The following WIPF3 variants were observed in gnomAD, a reference collection of about 807,000 sequenced individuals.
The protein encoded by WIPF3 is WAS/WASL-interacting protein family member 3.
A neutral mutation model predicts 38.9 loss-of-function variants in WIPF3; 33 were observed. The observed-to-expected ratio is 0.85, with a 90% CI of 0.64 to 1.14. WIPF3 has a LOEUF of 1.14. Among genes scored for constraint, WIPF3 ranks in the 50% most tolerant of loss-of-function variants. WIPF3 has a pLI of 0.00. For synonymous variants in WIPF3, 324 were observed against 269.3 expected, an observed-to-expected ratio of 1.20 and a Z score of -1.99; for missense variants, 711 against 652.5, an observed-to-expected ratio of 1.09 and a Z score of -0.98.
At chr7:29,906,660 G>A (rs139567323) in intron 8 of WIPF3, among the ~76,000 whole-genome samples, 2 of 152,042 alleles carry the variant, frequency 1.3e-5, no homozygotes, top group Non-Finnish European at 2.9e-5. Context: ...TTGATGAAAG[G>A]CATGAATATA....
chr7:29,889,260 T>C, intron 6 of WIPF3, 46 bp from the exon 7 acceptor site: 1 of 1,513,712 alleles, frequency 6.6e-7, no homozygotes, highest in Non-Finnish European at 9.2e-7. Flanking sequence ...AAAACTTGGA[T>C]CATGACAGTA....
At chr7:29,880,583 A>T (rs1428584128) in intron 4 of WIPF3, among the ~76,000 whole-genome samples, 1 of 152,202 alleles carries the variant, frequency 6.6e-6, no homozygotes, top group African/African-American at 2.4e-5. Flanking sequence ...TTCTCTTCAT[A>T]GAAGATGGGA....
Position 29,889,358 on chromosome 7 carries a change from G to A in WIPF3, c.1302G>A (p.Pro434=), listed in dbSNP as rs779515341. ...TFHSVEDFPP[P]DEYKPCQKIY... ...ATTCTGTGGAAGACTTTCCCCCTCC[G>A]GATGAATATAAACCATGCCAGAAGA... Residue 434 remains proline, a synonymous_variant, in exon 7 of 9, where the codon CCG becomes CCA. Coordinates refer to ENST00000242140, the MANE Select transcript of WIPF3 (RefSeq NM_001080529.3). 2.1e-5 allele frequency: 34 copies of A among 1,613,760 alleles called. No homozygotes were observed. The highest frequency in any genetic ancestry group is 1.6e-4 in the Middle Eastern group (1 of 6,084).
rs770804209 is a variant in WIPF3, at chr7:29,884,215, T to C, written c.721T>C (p.Ser241Pro). The change falls in exon 5 of 9, where the codon TCG (serine) becomes CCG (proline). Residue 241 changes from serine (S) to proline (P), a missense_variant. Coordinates refer to ENST00000242140, the MANE Select transcript of WIPF3 (RefSeq NM_001080529.3). ...PPTPPPLPPA[S>P]VLSDKAVKPQ... ...AACGCCACCCCCGCTGCCCCCGGCC[T>C]CGGTTCTTAGTGACAAGGCAGTGAA... 1.9e-4 allele frequency: 212 copies of C among 1,108,078 alleles called. No homozygotes were observed. Among genetic ancestry groups the C allele is most frequent in the Non-Finnish European group, 2.2e-4 (196 of 900,582 alleles). The allele number at this position is 1,108,078 out of a possible 1,614,324, so 68.6% of individuals were successfully genotyped here. A position where few individuals can be genotyped will look rare whatever the true frequency, so the allele number is the denominator to read the frequency against.
intron 8 of WIPF3, among the ~76,000 whole-genome samples, chr7:29,906,978 G>A (rs1786409930): frequency 1.3e-5 from 2 of 152,194 alleles, no homozygotes; most frequent in South Asian, 4.1e-4. Context: ...AACAAAAGCT[G>A]AGGGAGTTTG....
chr7:29,866,092 G>C (rs537321068), intron 2 of WIPF3, among the ~76,000 whole-genome samples: 1 of 152,322 alleles, frequency 6.6e-6, no homozygotes, highest in African/African-American at 2.4e-5. Flanking sequence ...CTGCGAGGTG[G>C]AGGTTGCGGT....
intron 7 of WIPF3, among the ~76,000 whole-genome samples, chr7:29,902,290 T>A (rs1786302247): frequency 7.0e-6 from 1 of 143,392 alleles, no homozygotes. Context: ...TTTTTTTTTT[T>A]ACTTTTTGCT....
At chr7:29,829,131 C>T (rs964292560) in intron 1 of WIPF3, among the ~76,000 whole-genome samples, 4 of 152,104 alleles carry the variant, frequency 2.6e-5, no homozygotes, top group Non-Finnish European at 4.4e-5. Context: ...CTTTATTGCA[C>T]CTCCTCCTCA....
At chr7:29,830,249 C>T (rs953674172) in intron 1 of WIPF3, among the ~76,000 whole-genome samples, 5 of 151,358 alleles carry the variant, frequency 3.3e-5, no homozygotes, top group East Asian at 1.9e-4. Flanking sequence ...TAAAACTAGA[C>T]GGAAACCAAG....
intron 2 of WIPF3, among the ~76,000 whole-genome samples, chr7:29,837,957 C>T (rs543632219): frequency 5.3e-5 from 8 of 152,158 alleles, no homozygotes; most frequent in East Asian, 1.9e-4. Flanking sequence ...CTTGCTTTTT[C>T]GCCCAGGCTA....
At chr7:29,824,466 T>G (rs1294948211) in intron 1 of WIPF3, among the ~76,000 whole-genome samples, 1 of 151,932 alleles carries the variant, frequency 6.6e-6, no homozygotes, top group Non-Finnish European at 1.5e-5. Flanking sequence ...TGAACACAGT[T>G]TTGCAGGTTA....
At chr7:29,817,010 C>T (rs1193961797) in intron 1 of WIPF3, among the ~76,000 whole-genome samples, 2 of 152,158 alleles carry the variant, frequency 1.3e-5, no homozygotes, top group Non-Finnish European at 2.9e-5. Context: ...GCACTCTCTC[C>T]AACACATACA....
rs894096407 is a variant in WIPF3 at position 29,863,661 on chromosome 7, A to G, written c.91-12169A>G. ...ATTGAATTTACAGATCAACCTGGGA[A>G]GAACTGACATCTTTCCTATGTTGAG... is the stretch of plus-strand genomic sequence containing the variant. On this transcript the variant is annotated intron_variant, in intron 2 of 8. Coordinates refer to ENST00000242140, the MANE Select transcript of WIPF3 (RefSeq NM_001080529.3). Among the ~76,000 whole-genome samples, 6 of 152,246 alleles carry G rather than the reference A, an allele frequency of 3.9e-5. No individual in the cohort carries two copies. The South Asian group carries it at 1.2e-3, about 32-fold the overall frequency.
intron 7 of WIPF3, among the ~76,000 whole-genome samples, chr7:29,898,178 ACTT>A (rs1178466750): frequency 6.6e-6 from 1 of 151,924 alleles, no homozygotes; most frequent in East Asian, 1.9e-4. Context: ...TTTCTGAAAC[ACTT>A]CTTCATTTAG....
chr7:29,832,707 T>TCC (rs35920510), intron 1 of WIPF3, among the ~76,000 whole-genome samples: 9 of 152,180 alleles, frequency 5.9e-5, no homozygotes, highest in East Asian at 1.9e-4. Context: ...ATGGACTCTT[T>TCC]CCCCAAAAAA....
chr7:29,875,101 C>T (rs773289214), intron 2 of WIPF3, among the ~76,000 whole-genome samples: 3 of 152,164 alleles, frequency 2.0e-5, no homozygotes, highest in Non-Finnish European at 4.4e-5. Context: ...GCACAGAAGA[C>T]AGTCACCAGA....
chr7:29,811,650 A>G (rs1023846266), intron 1 of WIPF3, among the ~76,000 whole-genome samples: 2 of 152,224 alleles, frequency 1.3e-5, no homozygotes, highest in African/African-American at 2.4e-5. Context: ...CAGGTGTTCA[A>G]TGCACTCACT....
rs575963547 is a variant in WIPF3 at position 29,894,756 on chromosome 7, C to G, written c.1351+5349C>G. ...GTCCCCACCTGCTTGTTTGCTGTCTCTCTTTCTGACACACACACACACACA... is the reference window on the plus strand; with the variant it reads ...GTCCCCACCTGCTTGTTTGCTGTCTGTCTTTCTGACACACACACACACACA... On this transcript the variant is annotated intron_variant, in intron 7 of 8. Transcript: ENST00000242140. Among the ~76,000 whole-genome samples, 5 of 126,274 alleles carry G rather than the reference C, an allele frequency of 4.0e-5. No homozygotes were observed. In the South Asian group the frequency reaches 1.4e-3, roughly 37 times the overall value. 82.8% of individuals were successfully genotyped at this position (126,274 alleles called of 152,430 possible). A position where few individuals can be genotyped will look rare whatever the true frequency, so the allele number is the denominator to read the frequency against.
Position 29,822,124 on chromosome 7 carries a change from T to TG in WIPF3, c.-57-12544_-57-12543insG, listed in dbSNP as rs370444096. 2.1e-4 allele frequency among the ~76,000 whole-genome samples: 5 copies of TG among 24,330 alleles called. 1 individual carries two copies. The highest frequency in any genetic ancestry group is 6.8e-4 in the African/African-American group (5 of 7,356). The allele number at this position is 24,330 out of a possible 152,430, so 16.0% of individuals were successfully genotyped here. ...ATTCCTTTCCTTACTTTTTTCTTAGTTTTTTTTTTTTTTTTTTTTTGGTAT... is the reference window on the plus strand; with the variant it reads ...ATTCCTTTCCTTACTTTTTTCTTAGTGTTTTTTTTTTTTTTTTTTTTGGTAT... On this transcript the variant is annotated intron_variant, in intron 1 of 8. Coordinates refer to ENST00000242140, the MANE Select transcript of WIPF3 (RefSeq NM_001080529.3).
Sources: gnomAD v4.1 joint callset for allele counts (sites outside exome capture counted in the v4.1 genomes callset) on GRCh38, gnomAD v4.1.1 for gene constraint, MANE v1.5 for transcripts, NCBI Gene and HGNC (gene_info 2026-07-23, HGNC 2026-07-21) for gene names.